Variants in PCDH15 observed in about 807,000 individuals in gnomAD.
The protein encoded by PCDH15 is protocadherin related 15, also known as protocadherin-15.
Under a neutral mutation model 178.5 loss-of-function variants are expected in PCDH15, and 129 were observed. The observed-to-expected ratio is 0.72, with a 90% CI of 0.63 to 0.84. PCDH15 has a LOEUF of 0.84. Among genes scored for constraint, PCDH15 ranks in the 40% least tolerant of loss-of-function variants. The pLI, the probability that PCDH15 is intolerant of heterozygous loss-of-function variation, is 0.00. For synonymous variants in PCDH15, 800 were observed against 732.0 expected, an observed-to-expected ratio of 1.09 and a Z score of -1.50; for missense variants, 2,230 against 2,099.9, an observed-to-expected ratio of 1.06 and a Z score of -1.21.
chr10:54,243,580 CTTGA>C (rs1199526034), intron 8 of PCDH15, among the ~76,000 whole-genome samples: 4 of 152,096 alleles, frequency 2.6e-5, no homozygotes, highest in Non-Finnish European at 2.9e-5. Context: ...CCTCAAAGCT[CTTGA>C]TTATTTTCAG....
At chr10:54,910,609 C>T (rs1345581261) in intron 2 of PCDH15, among the ~76,000 whole-genome samples, 2 of 152,144 alleles carry the variant, frequency 1.3e-5, no homozygotes, top group East Asian at 3.9e-4. Context: ...GATCACCTAA[C>T]TACAATGAAA....
chr10:54,279,737 T>C (rs188054976), intron 8 of PCDH15, among the ~76,000 whole-genome samples: 4 of 151,854 alleles, frequency 2.6e-5, no homozygotes, highest in Non-Finnish European at 3.0e-5. Flanking sequence ...GTCTCAGATA[T>C]ATAAAAATTA....
chr10:54,545,477 GT>G (rs1253584121), intron 2 of PCDH15, among the ~76,000 whole-genome samples: 11 of 150,340 alleles, frequency 7.3e-5, no homozygotes, highest in Non-Finnish European at 1.5e-4. Flanking sequence ...GCCACTATTG[GT>G]TCAAGTAAGG....
intron 1 of PCDH15, among the ~76,000 whole-genome samples, chr10:55,280,479 G>A (rs1337007255): frequency 1.4e-5 from 2 of 143,536 alleles, no homozygotes; most frequent in East Asian, 4.0e-4. Context: ...AGTAGAGACA[G>A]GGTTTTACCA....
At chr10:55,306,608 T>A (rs1452597847) in intron 1 of PCDH15, among the ~76,000 whole-genome samples, 2 of 152,102 alleles carry the variant, frequency 1.3e-5, no homozygotes, top group Non-Finnish European at 2.9e-5. Context: ...CTGGAAGGAG[T>A]GTAAAAGAAG....
chr10:53,823,086 T>C (rs1385989912), intron 32 of PCDH15: 1 of 1,614,016 alleles, frequency 6.2e-7, no homozygotes, highest in Non-Finnish European at 8.5e-7. Flanking sequence ...GTCTACAAAA[T>C]CTGTTCTCTG....
intron 29 of PCDH15, among the ~76,000 whole-genome samples, chr10:53,832,034 C>G (rs2077044714): frequency 6.6e-6 from 1 of 152,046 alleles, no homozygotes; most frequent in Non-Finnish European, 1.5e-5. Flanking sequence ...ATTTCAGACT[C>G]AAACTCTGTA....
intron 1 of PCDH15, among the ~76,000 whole-genome samples, chr10:54,761,469 G>T (rs968046426): frequency 3.3e-5 from 5 of 152,056 alleles, no homozygotes; most frequent in African/African-American, 1.2e-4. Context: ...ATCACTTGAG[G>T]TCAGGAGTTT....
intron 3 of PCDH15, among the ~76,000 whole-genome samples, chr10:54,522,087 C>CAAAA (rs11313978): frequency 3.6e-4 from 21 of 58,848 alleles, no homozygotes; most frequent in African/African-American, 7.0e-4. Flanking sequence ...GAATCCATCT[C>CAAAA]AAAAAAAAAA....
At chr10:54,172,643 T>C (rs1041808986) in intron 13 of PCDH15, among the ~76,000 whole-genome samples, 1 of 152,184 alleles carries the variant, frequency 6.6e-6, no homozygotes, top group African/African-American at 2.4e-5. Flanking sequence ...TAAAATATAT[T>C]GTACATTTTG....
intron 1 of PCDH15, among the ~76,000 whole-genome samples, chr10:54,704,414 T>C (rs2095344889): frequency 6.6e-6 from 1 of 152,114 alleles, no homozygotes; most frequent in South Asian, 2.1e-4. Flanking sequence ...ATTGTGCCTC[T>C]GACAAAGGTC....
intron 1 of PCDH15, among the ~76,000 whole-genome samples, chr10:54,790,714 T>G (rs1364393287): frequency 6.6e-6 from 1 of 151,860 alleles, no homozygotes; most frequent in Non-Finnish European, 1.5e-5. Flanking sequence ...GATATATATG[T>G]TTCCATTGCC....
At chr10:54,376,750 T>G (rs1475542713) in intron 4 of PCDH15, among the ~76,000 whole-genome samples, 2 of 151,906 alleles carry the variant, frequency 1.3e-5, no homozygotes, top group Non-Finnish European at 2.9e-5. Flanking sequence ...TTTAGCAATA[T>G]TGGTATGGAA....
chr10:54,253,774 C>T (rs1410313994), intron 8 of PCDH15, among the ~76,000 whole-genome samples: 1 of 151,966 alleles, frequency 6.6e-6, no homozygotes, highest in Non-Finnish European at 1.5e-5. Flanking sequence ...ATATAAATAA[C>T]TGTTCCTTTT....
intron 1 of PCDH15, among the ~76,000 whole-genome samples, chr10:55,217,670 G>T (rs559611408): frequency 6.6e-6 from 1 of 151,704 alleles, no homozygotes; most frequent in South Asian, 2.1e-4. Context: ...ATATACAACA[G>T]AAATTAATGA....
chr10:53,920,873 A>C (rs564827605), intron 25 of PCDH15, among the ~76,000 whole-genome samples: 88 of 152,328 alleles, frequency 5.8e-4, no homozygotes, highest in African/African-American at 2.1e-3. Context: ...ACCAAGAAGC[A>C]ATGAATAAAG....
chr10:53,901,943 C>T (rs1226016310), intron 26 of PCDH15, among the ~76,000 whole-genome samples: 3 of 152,132 alleles, frequency 2.0e-5, no homozygotes, highest in Non-Finnish European at 2.9e-5. Context: ...TTCATTTCTT[C>T]AACTAGTTTG....
intron 9 of PCDH15, among the ~76,000 whole-genome samples, chr10:54,218,776 T>A (rs7093889): frequency 0.75 from 114,651 of 152,100 alleles, 44,511 homozygotes; most frequent in African/African-American, 0.86. Flanking sequence ...ACAAACAAAA[T>A]ATGTTATTTG....
chr10:54,834,456 A>G (rs902512633), intron 3 of PCDH15, among the ~76,000 whole-genome samples: 1 of 151,888 alleles, frequency 6.6e-6, no homozygotes, highest in Non-Finnish European at 1.5e-5. Context: ...TGGGTTATAG[A>G]TGTGAGCCAC....
Sources: gnomAD v4.1 joint callset for allele counts (sites outside exome capture counted in the v4.1 genomes callset) on GRCh38, gnomAD v4.1.1 for gene constraint, MANE v1.5 for transcripts, NCBI Gene and HGNC (gene_info 2026-07-23, HGNC 2026-07-21) for gene names.